The following CACNA1C variants were observed in gnomAD, a reference collection of about 807,000 sequenced individuals.
CACNA1C encodes voltage-dependent L-type calcium channel subunit alpha-1C.
CACNA1C carries 30 observed loss-of-function variants against 229.0 expected under a neutral mutation model. The observed-to-expected ratio is 0.13, with a 90% CI of 0.10 to 0.18. The LOEUF is 0.18. Among genes scored for constraint, CACNA1C ranks in the 10% least tolerant of loss-of-function variants. CACNA1C has a pLI of 1.00. For missense variants in CACNA1C, 1,658 were observed against 2,845.0 expected (o/e 0.58, Z 9.49); for synonymous variants, 1,114 against 1,132.5 (o/e 0.98, Z 0.33).
chr12:2,329,478 C>T lies in CACNA1C; in HGVS notation c.478-119498C>T, dbSNP rs561324824. ...CCAGCCAATGCAGTGAGGGCCGATG[C>T]CTGTCCCCATCAATGAACATCATTC... On this transcript the variant is annotated intron_variant, in intron 3 of 46. Transcript: ENST00000399655. 2.0e-5 allele frequency among the ~76,000 whole-genome samples: 3 copies of T among 152,268 alleles called. No individual in the cohort carries two copies. In the South Asian group the frequency reaches 6.2e-4, roughly 32 times the overall value.
At chr12:2,510,330 T>C (rs1326400326) in intron 8 of CACNA1C, among the ~76,000 whole-genome samples, 1 of 152,202 alleles carries the variant, frequency 6.6e-6, no homozygotes, top group Non-Finnish European at 1.5e-5. Flanking sequence ...TTGGCTCATC[T>C]TCCATCCAGC....
chr12:2,322,645 G>T (rs2096066762), intron 3 of CACNA1C, among the ~76,000 whole-genome samples: 1 of 152,172 alleles, frequency 6.6e-6, no homozygotes. Context: ...CCTCCCCCTT[G>T]CCTCCCTCTC....
intron 1 of CACNA1C, chr12:2,004,394 C>T: frequency 6.2e-7 from 1 of 1,612,366 alleles, no homozygotes; most frequent in Admixed American, 1.7e-5. Context: ...GATGTCGCGC[C>T]CCTTTCCCAC....
intron 11 of CACNA1C, among the ~76,000 whole-genome samples, chr12:2,561,321 G>A (rs150066805): frequency 1.3e-5 from 2 of 152,156 alleles, no homozygotes; most frequent in African/African-American, 4.8e-5. Context: ...TGTGCTCCCT[G>A]GTGGACCCGC....
chr12:2,106,673 GC>G (rs2078869803), intron 1 of CACNA1C, among the ~76,000 whole-genome samples: 1 of 49,860 alleles, frequency 2.0e-5, no homozygotes, highest in African/African-American at 6.2e-5. Context: ...CTCAGCTGGG[GC>G]GTCCTGAAGC....
intron 7 of CACNA1C, among the ~76,000 whole-genome samples, chr12:2,497,313 T>C (rs1242751200): frequency 6.6e-6 from 1 of 152,238 alleles, no homozygotes; most frequent in Non-Finnish European, 1.5e-5. Context: ...TTTTCAGTGC[T>C]GACTTTGTGT....
intron 3 of CACNA1C, among the ~76,000 whole-genome samples, chr12:2,176,545 A>C (rs574873144): frequency 4.1e-4 from 61 of 147,330 alleles, no homozygotes; most frequent in Admixed American, 3.5e-3. Context: ...GCTTCCTTCC[A>C]TGTCAGCTAG....
chr12:1,985,999 G>C (rs1445096902), intron 1 of CACNA1C, among the ~76,000 whole-genome samples: 1 of 152,060 alleles, frequency 6.6e-6, no homozygotes, highest in Non-Finnish European at 1.5e-5. Context: ...ATTTTTAGTA[G>C]AGATGGAGTT....
rs995886844 is a variant in CACNA1C, at chr12:2,650,184, G to A, written c.3946-1456G>A. ...CCTGTTTGGAAGATCTGGAAAGCAG[G>A]AGAGGTCTCTGGCTTGCTTCTGGGC... On this transcript the variant is annotated intron_variant, in intron 31 of 46. Coordinates refer to ENST00000399655, the MANE Select transcript of CACNA1C (RefSeq NM_000719.7). Among the ~76,000 whole-genome samples, 5 of 152,174 alleles carry A rather than the reference G, an allele frequency of 3.3e-5. No homozygotes were observed. The South Asian group carries it at 8.3e-4, about 25-fold the overall frequency.
intron 34 of CACNA1C, 133 bp downstream of exon 34, chr12:2,655,371 C>G: frequency 1.7e-6 from 1 of 592,532 alleles, no homozygotes; most frequent in Non-Finnish European, 3.0e-6. Context: ...TTGCTCTCTG[C>G]CTGACAAGGA....
intron 3 of CACNA1C, among the ~76,000 whole-genome samples, chr12:2,186,029 C>T (rs773419257): frequency 4.6e-5 from 7 of 152,188 alleles, no homozygotes; most frequent in Non-Finnish European, 8.8e-5. Context: ...CTTTTCCAGG[C>T]ACCTCACTCG....
chr12:2,183,483 T>C (rs905227415), intron 3 of CACNA1C, among the ~76,000 whole-genome samples: 1 of 152,214 alleles, frequency 6.6e-6, no homozygotes, highest in Admixed American at 6.5e-5. Context: ...GAATCAGAAA[T>C]GTTTCCCCAG....
At chr12:2,584,377 A>G (rs1179823090) in intron 15 of CACNA1C, 126 bp from the exon 16 acceptor site, 22 of 656,300 alleles carry the variant, frequency 3.4e-5, no homozygotes, top group Non-Finnish European at 5.0e-5. Context: ...GACTCCCTCA[A>G]ATTGCTTCCC....
intron 1 of CACNA1C, chr12:2,004,625 C>T (rs754470568): frequency 3.6e-5 from 27 of 750,876 alleles, no homozygotes; most frequent in Non-Finnish European, 4.8e-5. Context: ...GCGCCCCGCC[C>T]ACTGAGGATC....
At chr12:2,554,301 G>T (rs2042887568) in intron 10 of CACNA1C, among the ~76,000 whole-genome samples, 1 of 152,156 alleles carries the variant, frequency 6.6e-6, no homozygotes, top group Non-Finnish European at 1.5e-5. Context: ...ATCTGGGGTT[G>T]CATGAACTTC....
Position 2,488,967 on chromosome 12 carries a change from A to T in CACNA1C, c.916+2705A>T, listed in dbSNP as rs573269138. On this transcript the variant is annotated intron_variant, in intron 6 of 46. Transcript: ENST00000399655. The surrounding 1 kb of genome is among the most constrained non-coding windows in gnomAD (Gnocchi z 4.0). Reference sequence around the variant, plus strand: ...CACAGAGTGGGCAGTGCAGACAAGGAGGGAAAATACGCGAGAACCCAGACA... The same window carrying T: ...CACAGAGTGGGCAGTGCAGACAAGGTGGGAAAATACGCGAGAACCCAGACA... Among the ~76,000 whole-genome samples the T allele has an allele frequency of 6.6e-6, 1 of 152,240 alleles. No individual in the cohort carries two copies. The highest frequency in any genetic ancestry group is 2.4e-5 in the African/African-American group (1 of 41,462).
Position 2,692,030 on chromosome 12 carries a change from G to GC in CACNA1C, c.*836dup, listed in dbSNP as rs1252242390. ...AGAAGAGTGTTTACAAAGTCCTGTA[G>GC]CCCCCTCACCTTTCTGTTTTCACTT... On this transcript the variant is annotated 3_prime_UTR_variant, in exon 47 of 47. Coordinates refer to ENST00000399655, the MANE Select transcript of CACNA1C (RefSeq NM_000719.7). The GC allele has an allele frequency of 6.6e-6, 1 of 152,314 alleles. No homozygotes were observed. The highest frequency in any genetic ancestry group is 1.9e-4 in the East Asian group (1 of 5,182). The allele number at this position is 152,314 out of a possible 1,614,324, so 9.4% of individuals were successfully genotyped here. A position where few individuals can be genotyped will look rare whatever the true frequency, so the allele number is the denominator to read the frequency against.
chr12:2,360,567 C>T (rs2097533292), intron 3 of CACNA1C, among the ~76,000 whole-genome samples: 1 of 152,184 alleles, frequency 6.6e-6, no homozygotes, highest in African/African-American at 2.4e-5. Flanking sequence ...CCAACGGGTC[C>T]CTCAGACACC....
At chr12:2,657,530 A>G (rs1603390810) in intron 34 of CACNA1C, among the ~76,000 whole-genome samples, 1 of 152,214 alleles carries the variant, frequency 6.6e-6, no homozygotes. Context: ...AAATGGATGG[A>G]TAAAACTTAG....
Sources: allele counts gnomAD v4.1 joint callset (sites outside exome capture counted in the v4.1 genomes callset), GRCh38; gene constraint gnomAD v4.1.1; non-coding constraint Gnocchi (gnomAD v3.1); transcripts MANE v1.5; gene names NCBI Gene and HGNC (gene_info 2026-07-23, HGNC 2026-07-21).